Variants in UGDH observed in about 807,000 individuals in gnomAD.
UGDH encodes the protein UDP-Glc dehydrogenase.
In UGDH, 38 loss-of-function variants were observed where a neutral mutation model predicts 50.6. The observed-to-expected ratio is 0.75, with a 90% confidence interval of 0.58 to 0.98. The LOEUF is 0.98. UGDH is among the 50% of genes least tolerant of loss of function. The pLI is 0.00. For missense variants in UGDH, 465 were observed against 606.2 expected (o/e 0.77, Z 2.45); for synonymous variants, 168 against 199.9 (o/e 0.84, Z 1.35).
intron 2 of UGDH, 57 bp from the exon 3 acceptor site, chr4:39,514,241 C>A: frequency 1.6e-6 from 2 of 1,268,660 alleles, no homozygotes; most frequent in Non-Finnish European, 2.2e-6. Context: ...TATGAGATAA[C>A]CTAATAGTAT....
At chr4:39,503,086 T>G (rs1745886471) in intron 11 of UGDH, among the ~76,000 whole-genome samples, 1 of 152,010 alleles carries the variant, frequency 6.6e-6, no homozygotes, top group African/African-American at 2.4e-5. Flanking sequence ...CCAGCTAATT[T>G]TTGTATTTTT....
chr4:39,505,370 T>C lies in UGDH; in HGVS notation c.1038A>G (p.Arg346=). 1.3e-6 allele frequency: 2 copies of C among 1,511,594 alleles called. No homozygotes were observed. Among genetic ancestry groups the C allele is most frequent in the South Asian group, 2.7e-5 (2 of 74,874 alleles). 93.6% of individuals were successfully genotyped at this position (1,511,594 alleles called of 1,614,324 possible). A position where few individuals can be genotyped will look rare whatever the true frequency, so the allele number is the denominator to read the frequency against. Residue 346 remains arginine, a splice_region_variant and synonymous_variant, in exon 9 of 12, where the codon AGA becomes AGG. Coordinates refer to ENST00000316423, the MANE Select transcript of UGDH (RefSeq NM_003359.4). ...FAFKKDTGDT[R]ESSSIYISKY... is the part of the protein sequence containing the mutation. ...TGCTAATATATATACTAGAAGATTCTCTATAGGAAAAAAAAAATCAGTATT... is the reference window on the plus strand; with the variant it reads ...TGCTAATATATATACTAGAAGATTCCCTATAGGAAAAAAAAAATCAGTATT...
intron 1 of UGDH, 74 bp from the exon 2 acceptor site, chr4:39,521,593 A>T: frequency 8.1e-7 from 1 of 1,228,318 alleles, no homozygotes; most frequent in Non-Finnish European, 1.1e-6. Flanking sequence ...TACATTAATT[A>T]TACTTTATAA....
chr4:39,499,238 A>G lies in UGDH; in HGVS notation c.*905T>C, dbSNP rs1451370023. ...CCAATAAATAATGGGGAGAGAAAGA[A>G]ATGCTACTAATTTTCTCTTCATGAT... On this transcript the variant is annotated 3_prime_UTR_variant, in exon 12 of 12. Transcript: ENST00000316423. The G allele has an allele frequency of 1.3e-5, 2 of 152,094 alleles. No individual in the cohort carries two copies. Among genetic ancestry groups the G allele is most frequent in the African/African-American group, 4.8e-5 (2 of 41,440 alleles). 9.4% of individuals were successfully genotyped at this position (152,094 alleles called of 1,614,324 possible). A position where few individuals can be genotyped will look rare whatever the true frequency, so the allele number is the denominator to read the frequency against.
chr4:39,509,296 A>G (rs1746140658), intron 6 of UGDH, among the ~76,000 whole-genome samples: 2 of 152,158 alleles, frequency 1.3e-5, no homozygotes, highest in Middle Eastern at 3.4e-3. Context: ...TGGGTCAGCA[A>G]ACTTTCATGG....
In UGDH at chr4:39,504,478, G is replaced by A; in HGVS notation, c.1202C>T (p.Pro401Leu). The change falls in exon 10 of 12, where the codon CCA becomes CTA. Residue 401 changes from proline (P) to leucine (L), a missense_variant. Physicochemically the swap from Pro to Leu is moderately conservative, Grantham distance 98. Transcript: ENST00000316423. ...VSRLVTISKDPYEACDGAHAV... is the reference protein window; with the variant it reads ...VSRLVTISKDLYEACDGAHAV... ...ATGGGCACCATCACATGCTTCATAT[G>A]GATCCTTGGAAATGGTCACGAGCCG... The A allele has an allele frequency of 6.2e-7, 1 of 1,613,942 alleles. No homozygotes were observed. The highest frequency in any genetic ancestry group is 8.5e-7 in the Non-Finnish European group (1 of 1,180,004).
At chr4:39,517,779 T>C (rs1438965839) in intron 2 of UGDH, among the ~76,000 whole-genome samples, 1 of 152,212 alleles carries the variant, frequency 6.6e-6, no homozygotes, top group Non-Finnish European at 1.5e-5. Context: ...CAAATGGAAT[T>C]ATACGGTATG....
intron 11 of UGDH, among the ~76,000 whole-genome samples, chr4:39,500,696 G>A (rs781043678): frequency 2.8e-4 from 38 of 135,792 alleles, no homozygotes; most frequent in African/African-American, 8.5e-4. Flanking sequence ...TTGCTCTATC[G>A]CCTAGGCTGG....
rs1449771276 is a variant in UGDH at position 39,510,676 on chromosome 4, G to A, written c.450C>T (p.Pro150=). The change falls in exon 4 of 12, where the codon CCC becomes CCT. Residue 150 remains proline (P), a synonymous_variant. Transcript: ENST00000316423. ...TTTTTTATACCTGTAAATTCAAGTT[G>A]GGTTTTGTGTTTGCATCAAATATGC... ...IRRIFDANTK[P]NLNLQVLSNP... is the part of the protein sequence containing the mutation. 1 of 1,614,242 alleles carries A rather than the reference G, an allele frequency of 6.2e-7. No homozygotes were observed. Among genetic ancestry groups the A allele is most frequent in the Admixed American group, 1.7e-5 (1 of 60,030 alleles).
Position 39,510,527 on chromosome 4 carries a change from C to T in UGDH, c.489G>A (p.Leu163=), listed in dbSNP as rs1746202438. Residue 163 remains leucine (L), a synonymous_variant, in exon 5 of 12, where the codon CTG becomes CTA. Coordinates refer to ENST00000316423, the MANE Select transcript of UGDH (RefSeq NM_003359.4). ...GGTCCTTGATGGCTGTTCCCTCTGC[C>T]AGAAACTCAGGGTTGGACAGCACCT... ...NLQVLSNPEF[L]AEGTAIKDLK... is the part of the protein sequence containing the mutation. 10 of 1,614,120 alleles carry T rather than the reference C, an allele frequency of 6.2e-6. No homozygotes were observed. Among genetic ancestry groups the T allele is most frequent in the Middle Eastern group, 3.3e-4 (2 of 6,062 alleles).
At position 39,510,342 on chromosome 4, in the gene UGDH, T is replaced by G; in HGVS notation, c.663+11A>C. ...TTTAATTTAATGAAGAGTTGAATGC[T>G]ATATACTAACCAGTTTGGAAAGCTC... On this transcript the variant is annotated intron_variant, in intron 5 of 11. Transcript: ENST00000316423. The G allele has an allele frequency of 6.2e-7, 1 of 1,614,004 alleles. No homozygotes were observed. Among genetic ancestry groups the G allele is most frequent in the Non-Finnish European group, 8.5e-7 (1 of 1,179,868 alleles).
chr4:39,514,275 T>C (rs1746361793), intron 2 of UGDH, 91 bp from the exon 3 acceptor site: 1 of 1,023,590 alleles, frequency 9.8e-7, no homozygotes, highest in South Asian at 1.4e-5. Flanking sequence ...TTAAAGGGCA[T>C]GGTAATATTG....
rs1746658223 is a variant in UGDH, at chr4:39,521,453, A to T, written c.60T>A (p.Cys20Ter). 1 of 1,613,014 alleles carries T rather than the reference A, an allele frequency of 6.2e-7. No individual in the cohort carries two copies. The highest frequency in any genetic ancestry group is 2.2e-5 in the East Asian group (1 of 44,822). The change falls in exon 2 of 12, where the codon TGT (cysteine) becomes TGA (stop). Residue 20 changes from cysteine (C) to a stop codon, truncating the protein, a stop_gained. Transcript: ENST00000316423. LOFTEE classifies it high-confidence loss of function. ...IGAGYVGGPT[C>*]SVIAHMCPEI... ...CAGGACACATATGAGCAATGACACT[A>T]CATGTGGGTCCTCCAACATAGCCTG...
intron 3 of UGDH, among the ~76,000 whole-genome samples, chr4:39,511,435 A>G (rs1157455290): frequency 6.6e-6 from 1 of 151,270 alleles, no homozygotes; most frequent in African/African-American, 2.4e-5. Context: ...CACTTTTTTT[A>G]TATTTTTAGT....
chr4:39,518,980 G>A (rs954837986), intron 2 of UGDH, among the ~76,000 whole-genome samples: 2 of 152,036 alleles, frequency 1.3e-5, no homozygotes, highest in South Asian at 2.1e-4. Context: ...ATAGTGGTGC[G>A]ATCTCAGCTC....
At chr4:39,521,037 T>G (rs1202023265) in intron 2 of UGDH, among the ~76,000 whole-genome samples, 1 of 130,712 alleles carries the variant, frequency 7.7e-6, no homozygotes, top group Non-Finnish European at 1.5e-5. Flanking sequence ...GTCATTGCAC[T>G]CCAGCCTGGG....
chr4:39,515,994 C>T (rs1746429049), intron 2 of UGDH, among the ~76,000 whole-genome samples: 1 of 152,204 alleles, frequency 6.6e-6, no homozygotes, highest in Non-Finnish European at 1.5e-5. Context: ...GCCACTGTGC[C>T]TGGCCTAGAC....
At chr4:39,500,764 C>A (rs1745773196) in intron 11 of UGDH, among the ~76,000 whole-genome samples, 1 of 149,444 alleles carries the variant, frequency 6.7e-6, no homozygotes, top group African/African-American at 2.5e-5. Flanking sequence ...TCAAGCAATT[C>A]TCCTGTCTGC....
At chr4:39,505,023 G>A (rs1291059948) in intron 9 of UGDH, among the ~76,000 whole-genome samples, 1 of 152,164 alleles carries the variant, frequency 6.6e-6, no homozygotes, top group African/African-American at 2.4e-5. Flanking sequence ...GGGATTTGTG[G>A]AGTATGTTGG....
Sources: allele counts gnomAD v4.1 joint callset (sites outside exome capture counted in the v4.1 genomes callset), GRCh38; gene constraint gnomAD v4.1.1; transcripts MANE v1.5; gene names NCBI Gene and HGNC (gene_info 2026-07-23, HGNC 2026-07-21).